CPXM2: variants seen among roughly 807,000 people sequenced by gnomAD.
The protein encoded by CPXM2 is carboxypeptidase X, M14 family member 2.
CPXM2 carries 66 observed loss-of-function variants against 86.1 expected under a neutral mutation model. The observed-to-expected ratio is 0.77, with a 90% confidence interval of 0.63 to 0.94. The LOEUF (loss-of-function observed/expected upper bound fraction) is 0.94. Among genes scored for constraint, CPXM2 ranks in the 40% least tolerant of loss-of-function variants. CPXM2 has a pLI of 0.00. For synonymous variants in CPXM2, 388 were observed against 400.2 expected, an observed-to-expected ratio of 0.97 and a Z score of 0.36; for missense variants, 948 against 1,026.3, an observed-to-expected ratio of 0.92 and a Z score of 1.04.
intron 2 of CPXM2, among the ~76,000 whole-genome samples, chr10:123,868,932 T>C (rs1944844730): frequency 6.6e-6 from 1 of 152,118 alleles, no homozygotes; most frequent in African/African-American, 2.4e-5. Flanking sequence ...CAAAGAAATA[T>C]CTGGTTCTGG....
At chr10:123,900,678 G>C (rs1945374700) in intron 2 of CPXM2, among the ~76,000 whole-genome samples, 1 of 152,162 alleles carries the variant, frequency 6.6e-6, no homozygotes, top group South Asian at 2.1e-4. Context: ...CCAAACATGT[G>C]TCTGTCATAA....
chr10:123,925,749 A>C (rs1945617029), intron 2 of CPXM2, among the ~76,000 whole-genome samples: 1 of 152,164 alleles, frequency 6.6e-6, no homozygotes, highest in Non-Finnish European at 1.5e-5. Context: ...CCTCTAGACT[A>C]TAAGAGTTAT....
intron 4 of CPXM2, among the ~76,000 whole-genome samples, chr10:123,806,126 T>C (rs565318413): frequency 5.9e-4 from 90 of 152,338 alleles, no homozygotes; most frequent in African/African-American, 2.1e-3. Context: ...TTCTTTCTGC[T>C]TGAAGAGCGC....
chr10:123,749,543 G>A (rs1846030601), intron 13 of CPXM2, among the ~76,000 whole-genome samples: 1 of 152,150 alleles, frequency 6.6e-6, no homozygotes, highest in South Asian at 2.1e-4. Context: ...AGGGCCACAT[G>A]GCGATGAAAT....
intron 6 of CPXM2, among the ~76,000 whole-genome samples, chr10:123,789,055 G>C (rs1564769852): frequency 6.6e-6 from 1 of 152,038 alleles, no homozygotes; most frequent in African/African-American, 2.4e-5. Context: ...ATGCTCAGCA[G>C]ACCCCTGAAC....
At chr10:123,883,458 A>G (rs1393862491) in intron 1 of CPXM2, among the ~76,000 whole-genome samples, 2 of 152,214 alleles carry the variant, frequency 1.3e-5, no homozygotes, top group Non-Finnish European at 2.9e-5. Flanking sequence ...GAAGGCAACA[A>G]TACCTGCCAC....
chr10:123,921,142 A>G (rs115425189), intron 2 of CPXM2, among the ~76,000 whole-genome samples: 2,503 of 152,336 alleles, frequency 0.016, 80 homozygotes, highest in African/African-American at 0.058. Context: ...TTTTAGTCCA[A>G]GAAAAAGAGC....
chr10:123,774,108 TC>T lies in CPXM2; in HGVS notation c.979-3070del, dbSNP rs149364580. 8.9e-3 allele frequency among the ~76,000 whole-genome samples: 1,349 copies of T among 152,308 alleles called. 24 individuals carry two copies. Among genetic ancestry groups the T allele is most frequent in the African/African-American group, 0.03 (1,264 of 41,558 alleles). On this transcript the variant is annotated intron_variant, in intron 7 of 13. Transcript: ENST00000241305. ...GACCATGCAGTAAGGGCCAGAGGGT[TC>T]CAGGGACAATTTCATGACAGTGTGT...
chr10:123,749,453 C>G (rs1387164556), intron 13 of CPXM2, among the ~76,000 whole-genome samples: 1 of 152,242 alleles, frequency 6.6e-6, no homozygotes, highest in Middle Eastern at 3.2e-3. Flanking sequence ...TCCCTGCCCC[C>G]TCCCTAGTCC....
chr10:123,788,007 C>T (rs145749320), intron 6 of CPXM2, among the ~76,000 whole-genome samples: 20 of 152,032 alleles, frequency 1.3e-4, no homozygotes, highest in African/African-American at 2.4e-4. Flanking sequence ...AGGCTGAGAG[C>T]GGTGGCTCAT....
chr10:123,768,736 CAG>C lies in CPXM2; in HGVS notation c.1103-16_1103-15del. On this transcript the variant is annotated splice_polypyrimidine_tract_variant and intron_variant, in intron 8 of 13. Coordinates refer to ENST00000241305, the MANE Select transcript of CPXM2 (RefSeq NM_198148.3). Reference sequence around the variant, plus strand: ...ACTCGGGCTCACCTTTACTCAAAGACAGAGAGAAGCACAGGTTCACGTTGAAA... The same window carrying C: ...ACTCGGGCTCACCTTTACTCAAAGACAGAGAAGCACAGGTTCACGTTGAAA... 1 of 1,603,998 alleles carries C rather than the reference CAG, an allele frequency of 6.2e-7. No homozygotes were observed. The highest frequency in any genetic ancestry group is 8.5e-7 in the Non-Finnish European group (1 of 1,178,858).
chr10:123,811,848 G>A (rs539498564), intron 4 of CPXM2, among the ~76,000 whole-genome samples: 3 of 152,324 alleles, frequency 2.0e-5, no homozygotes, highest in African/African-American at 7.2e-5. Context: ...AACCCTGTTA[G>A]TGGTTACGGA....
intron 11 of CPXM2, among the ~76,000 whole-genome samples, chr10:123,761,334 T>C (rs1203013498): frequency 2.0e-5 from 3 of 151,856 alleles, no homozygotes; most frequent in African/African-American, 7.3e-5. Context: ...CAGCTCAGAG[T>C]CCCTTCACAG....
chr10:123,891,696 CA>C lies in CPXM2; in HGVS notation c.-38del, dbSNP rs1945276891. The C allele has an allele frequency of 7.6e-7, 1 of 1,311,830 alleles. No individual in the cohort carries two copies. 81.3% of individuals were successfully genotyped at this position (1,311,830 alleles called of 1,614,324 possible). A position where few individuals can be genotyped will look rare whatever the true frequency, so the allele number is the denominator to read the frequency against. On this transcript the variant is annotated 5_prime_UTR_variant, in exon 1 of 14. Coordinates refer to ENST00000241305, the MANE Select transcript of CPXM2 (RefSeq NM_198148.3). The surrounding 1 kb of genome is among the most constrained non-coding windows in gnomAD (Gnocchi z 5.6). The stretch of plus-strand genomic sequence containing the variant: ...CCCGCGCCCAGGGCAGGGTCACGGT[CA>C]CCGGGGGCGCCGGGCGGGCTGCGGG...
Position 123,798,079 on chromosome 10 carries a change from T to C in CPXM2, c.786A>G (p.Leu262=), listed in dbSNP as rs146852639. 602 of 1,611,368 alleles carry C rather than the reference T, an allele frequency of 3.7e-4. 2 individuals are homozygous for C. The African/African-American group carries it at 7.3e-3, about 20-fold the overall frequency. ...SEKEIPVLNE[L]PVPMVARYIR... ...TGTAGCGGGCCACCATGGGGACGGGTAGCTCATTGAGAACAGGGATCTCCT... is the reference window on the plus strand; with the variant it reads ...TGTAGCGGGCCACCATGGGGACGGGCAGCTCATTGAGAACAGGGATCTCCT... The change falls in exon 6 of 14, where the codon CTA becomes CTG. Residue 262 remains leucine (L), a synonymous_variant. Transcript: ENST00000241305.
chr10:123,892,236 T>C (rs2134252398), upstream of CPXM2, among the ~76,000 whole-genome samples: 1 of 152,268 alleles, frequency 6.6e-6, no homozygotes, highest in Middle Eastern at 3.4e-3. Flanking sequence ...GCCATGCTAC[T>C]GTTTCAGGAA....
At chr10:123,833,737 C>T (rs935076348) in intron 4 of CPXM2, among the ~76,000 whole-genome samples, 11 of 152,192 alleles carry the variant, frequency 7.2e-5, no homozygotes, top group Non-Finnish European at 1.3e-4. Flanking sequence ...TCCCAGTTAA[C>T]GCCACTAGGA....
chr10:123,747,921 C>T (rs1439778740), intron 13 of CPXM2, among the ~76,000 whole-genome samples: 1 of 72,036 alleles, frequency 1.4e-5, no homozygotes, highest in Non-Finnish European at 2.7e-5. Context: ...GACTCTGTCT[C>T]AAAAAAAAAA....
intron 2 of CPXM2, among the ~76,000 whole-genome samples, chr10:123,910,115 G>A (rs1945475938): frequency 6.6e-6 from 1 of 152,112 alleles, no homozygotes; most frequent in Non-Finnish European, 1.5e-5. Flanking sequence ...GACAGAGGCT[G>A]GAATGTCCCT....
Sources: allele counts gnomAD v4.1 joint callset (sites outside exome capture counted in the v4.1 genomes callset), GRCh38; gene constraint gnomAD v4.1.1; non-coding constraint Gnocchi (gnomAD v3.1); transcripts MANE v1.5; gene names NCBI Gene and HGNC (gene_info 2026-07-23, HGNC 2026-07-21).